EXOC6: variants seen among roughly 807,000 people sequenced by gnomAD.
The protein encoded by EXOC6 is exocyst complex component 6.
Under a neutral mutation model 112.5 loss-of-function variants are expected in EXOC6, and 60 were observed. That is an observed-to-expected ratio of 0.53 (90% confidence interval 0.43 to 0.66). EXOC6 has a LOEUF of 0.66. Among genes scored for constraint, EXOC6 ranks in the 30% least tolerant of loss-of-function variants. The pLI, the probability that EXOC6 is intolerant of heterozygous loss-of-function variation, is 0.00. For missense variants in EXOC6, 855 were observed against 957.1 expected (o/e 0.89, Z 1.41); for synonymous variants, 295 against 308.0 (o/e 0.96, Z 0.44).
At chr10:92,878,295 G>C (rs1848775330) in intron 1 of EXOC6, 1 of 152,114 alleles carries the variant, frequency 6.6e-6, no homozygotes, top group Admixed American at 6.5e-5. Context: ...TGGCGAGAAA[G>C]GTCCCTGTGG....
At chr10:93,050,759 C>CAAAAAAAAAAAA (rs58439083) in intron 20 of EXOC6, among the ~76,000 whole-genome samples, 4,506 of 37,220 alleles carry the variant, frequency 0.12, 1,699 homozygotes, top group Non-Finnish European at 0.16. Flanking sequence ...GACTCCGTCT[C>CAAAAAAAAAAAA]AAAAAAAAAA....
At chr10:92,970,320 G>A (rs1376724575) in intron 17 of EXOC6, among the ~76,000 whole-genome samples, 2 of 152,166 alleles carry the variant, frequency 1.3e-5, no homozygotes, top group Non-Finnish European at 2.9e-5. Context: ...ACAATACAGT[G>A]TGACAACTAT....
At position 92,938,963 on chromosome 10, in the gene EXOC6, A is replaced by C. The variant is rs548018451; in HGVS notation, c.1213-1764A>C. Among the ~76,000 whole-genome samples the C allele has an allele frequency of 5.5e-4, 83 of 152,250 alleles. No homozygotes were observed. The Middle Eastern group carries it at 0.01, about 19-fold the overall frequency. On this transcript the variant is annotated intron_variant, in intron 12 of 21. Coordinates refer to ENST00000260762, the MANE Select transcript of EXOC6 (RefSeq NM_019053.6). ...AATAGGTAAGAAGGAAAGGGCATTA[A>C]TGGAAGAAAAATAGCATGTGTAAAC...
At position 92,985,287 on chromosome 10, in the gene EXOC6, C is replaced by T. The variant is rs904425202; in HGVS notation, c.1953+11055C>T. On this transcript the variant is annotated intron_variant, in intron 18 of 21. Coordinates refer to ENST00000260762, the MANE Select transcript of EXOC6 (RefSeq NM_019053.6). ...TTTCCATCCCGTTTCTCATTTTTAT[C>T]CTCATTCATACCTGCAACTCTGGAC... 1.3e-4 allele frequency among the ~76,000 whole-genome samples: 20 copies of T among 152,144 alleles called. 1 individual carries two copies. Among genetic ancestry groups the T allele is most frequent in the Middle Eastern group, 3.4e-3 (1 of 294 alleles).
At chr10:92,827,994 T>C (rs1258331775) in intron 1 of EXOC6, among the ~76,000 whole-genome samples, 1 of 152,200 alleles carries the variant, frequency 6.6e-6, no homozygotes. Flanking sequence ...TCCTAGATAT[T>C]TGACGTATTT....
chr10:92,873,625 C>T (rs536595796), intron 1 of EXOC6, among the ~76,000 whole-genome samples: 236 of 152,112 alleles, frequency 1.6e-3, no homozygotes, highest in African/African-American at 5.3e-3. Context: ...TTAGAGGAAG[C>T]ATCTGGGCAT....
At position 92,915,872 on chromosome 10, in the gene EXOC6, T is replaced by C. The variant is rs781270896; in HGVS notation, c.778T>C (p.Leu260=). 14 of 1,549,766 alleles carry C rather than the reference T, an allele frequency of 9.0e-6. No individual in the cohort carries two copies. In the Admixed American group the frequency reaches 3.0e-4, roughly 33 times the overall value. ...TCCAGAGGAAAGGAATGAAACTGTA[T>C]TGAAACATTCACTTGAAGAAGAGGA... ...RIPEERNETV[L]KHSLEEEDEN... The change falls in exon 7 of 22, where the codon TTG becomes CTG. Residue 260 remains leucine, a synonymous_variant. Coordinates refer to ENST00000260762, the MANE Select transcript of EXOC6 (RefSeq NM_019053.6).
chr10:92,884,734 A>C (rs1054998832), intron 1 of EXOC6, among the ~76,000 whole-genome samples: 2 of 152,228 alleles, frequency 1.3e-5, no homozygotes, highest in Non-Finnish European at 2.9e-5. Context: ...TATTCTTTAC[A>C]ATGAAGACTG....
chr10:92,925,865 G>A (rs911965025), intron 8 of EXOC6, among the ~76,000 whole-genome samples: 13 of 151,928 alleles, frequency 8.6e-5, no homozygotes, highest in African/African-American at 2.9e-4. Flanking sequence ...AGCTTGACAT[G>A]CTGCCTAGGC....
At chr10:92,917,857 G>GT (rs1851193328) in intron 7 of EXOC6, among the ~76,000 whole-genome samples, 4 of 152,164 alleles carry the variant, frequency 2.6e-5, no homozygotes, top group Non-Finnish European at 5.9e-5. Context: ...GCTTTCGAAA[G>GT]TTTTTTCTAC....
intron 1 of EXOC6, among the ~76,000 whole-genome samples, chr10:92,840,949 T>C (rs1589675828): frequency 6.6e-6 from 1 of 152,168 alleles, no homozygotes; most frequent in East Asian, 1.9e-4. Context: ...TGTGCCACCA[T>C]ACCCAGCCTA....
chr10:92,940,023 A>G (rs1221890623), intron 12 of EXOC6, among the ~76,000 whole-genome samples: 2 of 152,106 alleles, frequency 1.3e-5, no homozygotes, highest in Non-Finnish European at 2.9e-5. Context: ...TAAAGATGGG[A>G]AACAATTTAG....
At chr10:93,035,081 G>A (rs2134306684) in intron 20 of EXOC6, among the ~76,000 whole-genome samples, 1 of 152,322 alleles carries the variant, frequency 6.6e-6, no homozygotes, top group Admixed American at 6.5e-5. Context: ...AATATAACAA[G>A]ACCAGACATC....
rs970468672 is a variant in EXOC6, at chr10:93,058,679, T to G, written c.*324T>G. On this transcript the variant is annotated 3_prime_UTR_variant, in exon 22 of 22. Coordinates refer to ENST00000260762, the MANE Select transcript of EXOC6 (RefSeq NM_019053.6). The stretch of plus-strand genomic sequence containing the variant: ...ACATATGCCTCTACTCATAAGTATT[T>G]TTTTCTATTTAGACTTGAATGATAA... The G allele has an allele frequency of 4.8e-5, 9 of 188,268 alleles. No homozygotes were observed. Among genetic ancestry groups the G allele is most frequent in the Non-Finnish European group, 1.1e-5 (1 of 91,756 alleles). The allele number at this position is 188,268 out of a possible 1,614,324, so 11.7% of individuals were successfully genotyped here.
chr10:92,972,823 G>A (rs747883204), intron 17 of EXOC6, among the ~76,000 whole-genome samples: 23 of 152,142 alleles, frequency 1.5e-4, no homozygotes, highest in Non-Finnish European at 2.6e-4. Flanking sequence ...GTCTTGCACA[G>A]AGCTTCAAGG....
intron 1 of EXOC6, among the ~76,000 whole-genome samples, chr10:92,827,504 A>AAAAAAAAAAAC (rs1846406089): frequency 6.7e-6 from 1 of 150,292 alleles, no homozygotes; most frequent in Non-Finnish European, 1.5e-5. Flanking sequence ...AAAAAAAAAA[A>AAAAAAAAAAAC]AATCCCCATG....
chr10:92,930,981 G>A (rs767218152), intron 9 of EXOC6, among the ~76,000 whole-genome samples: 9 of 151,866 alleles, frequency 5.9e-5, no homozygotes, highest in Non-Finnish European at 1.0e-4. Flanking sequence ...GAGTGGTGGC[G>A]TGTGCCTGTA....
At chr10:92,929,512 T>G (rs1375695595) in intron 9 of EXOC6, among the ~76,000 whole-genome samples, 1 of 152,176 alleles carries the variant, frequency 6.6e-6, no homozygotes, top group Non-Finnish European at 1.5e-5. Flanking sequence ...TAAGAAATAT[T>G]AACAACAAAA....
intron 18 of EXOC6, among the ~76,000 whole-genome samples, chr10:92,978,137 C>T (rs1240475632): frequency 6.6e-6 from 1 of 152,060 alleles, no homozygotes; most frequent in African/African-American, 2.4e-5. Flanking sequence ...GGGCTGGGTA[C>T]GTTGGCTCAC....
Sources: allele counts gnomAD v4.1 joint callset (sites outside exome capture counted in the v4.1 genomes callset), GRCh38; gene constraint gnomAD v4.1.1; transcripts MANE v1.5; gene names NCBI Gene and HGNC (gene_info 2026-07-23, HGNC 2026-07-21).